The following ABCF3 variants were observed in gnomAD, a reference collection of about 807,000 sequenced individuals.
The protein encoded by ABCF3 is ATP-binding cassette sub-family F member 3.
Under a neutral mutation model 94.3 loss-of-function variants are expected in ABCF3, and 62 were observed. That is an observed-to-expected ratio of 0.66 (90% CI 0.54 to 0.81). The LOEUF is 0.81. ABCF3 is among the 40% of genes least tolerant of loss of function. The pLI, the probability that ABCF3 is intolerant of heterozygous loss-of-function variation, is 0.00. For missense variants in ABCF3, 843 were observed against 925.3 expected (o/e 0.91, Z 1.15); for synonymous variants, 355 against 361.1 (o/e 0.98, Z 0.19).
intron 14 of ABCF3, 111 bp from the exon 15 acceptor site, chr3:184,190,888 C>T: frequency 8.0e-7 from 1 of 1,248,822 alleles, no homozygotes; most frequent in Non-Finnish European, 1.1e-6. Context: ...GTAATGATAC[C>T]TGAGTGGTAG....
At position 184,187,671 on chromosome 3, in the gene ABCF3, A is replaced by G. The variant is rs976527943; in HGVS notation, c.356A>G (p.Asn119Ser). The stretch of plus-strand genomic sequence containing the variant: ...ATGTGTTTGGACCCTTAGACAGTGA[A>G]TGCAAAGAAGTTAGAGAAGGCCGAG... The part of the protein sequence containing the change: ...LLKREQSSTV[N>S]AKKLEKAEAR... Residue 119 changes from asparagine to serine, a missense_variant, in exon 5 of 21, where the codon AAT (asparagine) becomes AGT (serine). Asn to Ser is a conservative substitution (Grantham distance 46). Transcript: ENST00000429586. 7 of 1,614,198 alleles carry G rather than the reference A, an allele frequency of 4.3e-6. No homozygotes were observed. Among genetic ancestry groups the G allele is most frequent in the Non-Finnish European group, 5.9e-6 (7 of 1,180,038 alleles).
rs778497896 is a variant in ABCF3, at chr3:184,187,876, A to G, written c.462A>G (p.Ala154=). The G allele has an allele frequency of 2.5e-6, 4 of 1,614,080 alleles. No individual in the cohort carries two copies. In the Admixed American group the frequency reaches 5.0e-5, roughly 20 times the overall value. ...KTSNPLVLEE[A]SASQAGSRKE... is the part of the protein sequence containing the mutation. Reference sequence around the variant, plus strand: ...CCCTTTAAAGAGTCTTAGAAGAGGCATCAGCCAGCCAGGCAGGCAGCAGAA... The same window carrying G: ...CCCTTTAAAGAGTCTTAGAAGAGGCGTCAGCCAGCCAGGCAGGCAGCAGAA... The change falls in exon 6 of 21, where the codon GCA becomes GCG. Residue 154 remains alanine, a synonymous_variant. Coordinates refer to ENST00000429586, the MANE Select transcript of ABCF3 (RefSeq NM_018358.3).
intron 7 of ABCF3, 53 bp from the exon 8 acceptor site, chr3:184,188,708 C>T: frequency 6.4e-7 from 1 of 1,566,418 alleles, no homozygotes; most frequent in Non-Finnish European, 8.8e-7. Context: ...GGGTGCAGGA[C>T]ATCCTCCTAG....
rs1715742339 is a variant in ABCF3, at chr3:184,187,877, T to A, written c.463T>A (p.Ser155Thr). The change falls in exon 6 of 21, where the codon TCA (serine) becomes ACA (threonine). Residue 155 changes from serine to threonine, a missense_variant. By Grantham distance (58) the Ser-to-Thr change is moderately conservative (BLOSUM62 1). Coordinates refer to ENST00000429586, the MANE Select transcript of ABCF3 (RefSeq NM_018358.3). ...CCTTTAAAGAGTCTTAGAAGAGGCA[T>A]CAGCCAGCCAGGCAGGCAGCAGAAA... Reference protein sequence around the residue: ...TSNPLVLEEASASQAGSRKES... With the variant: ...TSNPLVLEEATASQAGSRKES... 2 of 1,614,118 alleles carry A rather than the reference T, an allele frequency of 1.2e-6. No homozygotes were observed. Among genetic ancestry groups the A allele is most frequent in the South Asian group, 1.1e-5 (1 of 91,078 alleles).
rs1184956494 is a variant in ABCF3, at chr3:184,187,388, C to T, written c.302-9C>T. 4.3e-6 allele frequency: 7 copies of T among 1,613,744 alleles called. No individual in the cohort carries two copies. The highest frequency in any genetic ancestry group is 2.7e-5 in the African/African-American group (2 of 74,898). On this transcript the variant is annotated splice_polypyrimidine_tract_variant and intron_variant, in intron 3 of 20. Transcript: ENST00000429586. Reference sequence around the variant, plus strand: ...GGGAGAAGGTGACTGCTTTTCTTATCGCTTACAGACTGTGGAACCAAACTT... The same window carrying T: ...GGGAGAAGGTGACTGCTTTTCTTATTGCTTACAGACTGTGGAACCAAACTT...
chr3:184,192,133 G>A (rs975796255), intron 16 of ABCF3, among the ~76,000 whole-genome samples: 2 of 152,060 alleles, frequency 1.3e-5, no homozygotes, highest in Non-Finnish European at 2.9e-5. Flanking sequence ...CTTCTCCTCT[G>A]TGTTACACAC....
Position 184,189,714 on chromosome 3 carries a change from A to C in ABCF3, c.1271A>C (p.Gln424Pro). The change falls in exon 13 of 21, where the codon CAG (glutamine) becomes CCG (proline). Residue 424 changes from glutamine to proline, a missense_variant. By Grantham distance (76) the Gln-to-Pro change is moderately conservative (BLOSUM62 -1). Coordinates refer to ENST00000429586, the MANE Select transcript of ABCF3 (RefSeq NM_018358.3). Reference sequence around the variant, plus strand: ...AAGCAGGAGCGGCTGCTCAACCAGCAGCGTGAATATGAGGCGCAGCAGCAG... The same window carrying C: ...AAGCAGGAGCGGCTGCTCAACCAGCCGCGTGAATATGAGGCGCAGCAGCAG... Reference protein sequence around the residue: ...KSKQERLLNQQREYEAQQQYR... With the variant: ...KSKQERLLNQPREYEAQQQYR... The C allele has an allele frequency of 6.2e-7, 1 of 1,614,078 alleles. No homozygotes were observed. Among genetic ancestry groups the C allele is most frequent in the Non-Finnish European group, 8.5e-7 (1 of 1,180,016 alleles).
At chr3:184,192,085 A>G (rs1716062867) in intron 16 of ABCF3, among the ~76,000 whole-genome samples, 1 of 152,120 alleles carries the variant, frequency 6.6e-6, no homozygotes, top group African/African-American at 2.4e-5. Context: ...TGAAGGAGTC[A>G]TCGGGACTGG....
In ABCF3 at chr3:184,193,722, C is replaced by T. The variant is rs772762812; in HGVS notation, c.*24C>T. 1.9e-6 allele frequency: 3 copies of T among 1,576,720 alleles called. No homozygotes were observed. Among genetic ancestry groups the T allele is most frequent in the East Asian group, 2.3e-5 (1 of 43,748 alleles). ...AGGGCCACCAGGCTGAGGACTCGCC[C>T]AGGACATGGACTGGTCTCTCAGACC... On this transcript the variant is annotated 3_prime_UTR_variant, in exon 21 of 21. Transcript: ENST00000429586. This position sits in a 1 kb window ranked among gnomAD's most constrained non-coding sequence, Gnocchi z 5.2.
intron 13 of ABCF3, 45 bp from the exon 14 acceptor site, chr3:184,189,810 G>C (rs1023702045): frequency 1.2e-6 from 2 of 1,613,932 alleles, no homozygotes; most frequent in African/African-American, 2.7e-5. Context: ...CAGAGTGGGG[G>C]ATAGTGGGGG....
At chr3:184,190,798 A>G (rs1715970099) in intron 14 of ABCF3, 3 of 611,582 alleles carry the variant, frequency 4.9e-6, no homozygotes, top group African/African-American at 3.7e-5. Context: ...ATATCACAAT[A>G]TAGTAACTGG....
chr3:184,187,697 G>T lies in ABCF3; in HGVS notation c.382G>T (p.Ala128Ser). The T allele has an allele frequency of 1.2e-6, 2 of 1,614,212 alleles. No homozygotes were observed. The highest frequency in any genetic ancestry group is 1.7e-6 in the Non-Finnish European group (2 of 1,180,048). ...TGCAAAGAAGTTAGAGAAGGCCGAGGCTCGACTTAAGGCAAAGCAGGAGAA... is the reference window on the plus strand; with the variant it reads ...TGCAAAGAAGTTAGAGAAGGCCGAGTCTCGACTTAAGGCAAAGCAGGAGAA... ...VNAKKLEKAE[A>S]RLKAKQEKRS... Residue 128 changes from alanine to serine, a missense_variant, in exon 5 of 21, where the codon GCT becomes TCT. Coordinates refer to ENST00000429586, the MANE Select transcript of ABCF3 (RefSeq NM_018358.3).
At chr3:184,190,071 G>A (rs2109043316) in intron 14 of ABCF3, 140 bp downstream of exon 14, 1 of 879,326 alleles carries the variant, frequency 1.1e-6, no homozygotes, top group South Asian at 1.5e-5. Context: ...CTGGGAAGCA[G>A]AGTATTCCAC....
intron 8 of ABCF3, 41 bp downstream of exon 8, chr3:184,188,882 C>A: frequency 6.2e-7 from 1 of 1,614,146 alleles, no homozygotes; most frequent in Non-Finnish European, 8.5e-7. Context: ...TTTCCTTTCC[C>A]TTCTGTGGAC....
rs760701711 is a variant in ABCF3, at chr3:184,186,227, T to C, written c.20T>C (p.Ile7Thr). The C allele has an allele frequency of 1.2e-6, 2 of 1,614,156 alleles. No homozygotes were observed. The highest frequency in any genetic ancestry group is 1.7e-6 in the Non-Finnish European group (2 of 1,180,028). The stretch of plus-strand genomic sequence containing the variant: ...TGGAACATGGCGACTTGCGCCGAAA[T>C]CCTGCGGAGCGAGTTCCCCGAAATT... MATCAEILRSEFPEIDG... is the reference protein window; with the variant it reads MATCAETLRSEFPEIDG... The change falls in exon 1 of 21, where the codon ATC (isoleucine) becomes ACC (threonine). Residue 7 changes from isoleucine to threonine, a missense_variant. By Grantham distance (89) the Ile-to-Thr change is moderately conservative (BLOSUM62 -1). Transcript: ENST00000429586.
In ABCF3 at chr3:184,193,530, T is replaced by C; in HGVS notation, c.1972-10T>C. On this transcript the variant is annotated splice_polypyrimidine_tract_variant and intron_variant, in intron 20 of 20. Coordinates refer to ENST00000429586, the MANE Select transcript of ABCF3 (RefSeq NM_018358.3). This position sits in a 1 kb window ranked among gnomAD's most constrained non-coding sequence, Gnocchi z 5.2. ...TCCCCCTGAGCACCTCCTGCCCTCCTGTCTTTCAGGGTGGTGTGATTCTGG... is the reference window on the plus strand; with the variant it reads ...TCCCCCTGAGCACCTCCTGCCCTCCCGTCTTTCAGGGTGGTGTGATTCTGG... The C allele has an allele frequency of 6.2e-7, 1 of 1,614,090 alleles. No individual in the cohort carries two copies. Among genetic ancestry groups the C allele is most frequent in the Non-Finnish European group, 8.5e-7 (1 of 1,179,978 alleles).
chr3:184,188,278 T>C lies in ABCF3; in HGVS notation c.707T>C (p.Leu236Pro), dbSNP rs1040316094. 2 of 1,614,162 alleles carry C rather than the reference T, an allele frequency of 1.2e-6. No individual in the cohort carries two copies. Among genetic ancestry groups the C allele is most frequent in the Non-Finnish European group, 1.7e-6 (2 of 1,180,038 alleles). The change falls in exon 7 of 21, where the codon CTG becomes CCG. Residue 236 changes from leucine (L) to proline (P), a missense_variant. Leu to Pro is a moderately conservative substitution (Grantham distance 98, BLOSUM62 -3). Coordinates refer to ENST00000429586, the MANE Select transcript of ABCF3 (RefSeq NM_018358.3). ...RSLRVPAHIS[L>P]LHVEQEVAGD... ...CTGCGGGTTCCAGCCCACATTTCCC[T>C]GCTGCACGTTGAGCAAGAGGTTGCT... is the stretch of plus-strand genomic sequence containing the variant.
In ABCF3 at chr3:184,193,048, C is replaced by T. The variant is rs957730760; in HGVS notation, c.1751-54C>T. 3 of 1,541,426 alleles carry T rather than the reference C, an allele frequency of 1.9e-6. No individual in the cohort carries two copies. The highest frequency in any genetic ancestry group is 2.6e-6 in the Non-Finnish European group (3 of 1,143,438). The stretch of plus-strand genomic sequence containing the variant: ...GGGACTTGGAGGTGTGGCTGGAGGG[C>T]ACAGGGAGGGTGTTGGGCCAAGAAG... On this transcript the variant is annotated intron_variant, in intron 18 of 20. Transcript: ENST00000429586. This position sits in a 1 kb window ranked among gnomAD's most constrained non-coding sequence, Gnocchi z 5.2.
Position 184,188,943 on chromosome 3 carries a change from T to C in ABCF3, c.932T>C (p.Leu311Pro). Residue 311 changes from leucine to proline, a missense_variant, in exon 9 of 21, where the codon CTC becomes CCC. Leu to Pro is a moderately conservative substitution (Grantham distance 98). Transcript: ENST00000429586. ...TTCTCTACTAGGGCATCAGTCATTCTCGCTGGGCTTGGCTTTACCCCTAAA... is the reference window on the plus strand; with the variant it reads ...TTCTCTACTAGGGCATCAGTCATTCCCGCTGGGCTTGGCTTTACCCCTAAA... ...DKAPARASVI[L>P]AGLGFTPKMQ... 1 of 1,614,254 alleles carries C rather than the reference T, an allele frequency of 6.2e-7. No individual in the cohort carries two copies. Among genetic ancestry groups the C allele is most frequent in the Non-Finnish European group, 8.5e-7 (1 of 1,180,046 alleles).
Sources: gnomAD v4.1 joint callset for allele counts (sites outside exome capture counted in the v4.1 genomes callset) on GRCh38, gnomAD v4.1.1 for gene constraint, Gnocchi (gnomAD v3.1) non-coding constraint, MANE v1.5 for transcripts, NCBI Gene and HGNC (gene_info 2026-07-23, HGNC 2026-07-21) for gene names.